Variants in MMEL1 observed in about 807,000 individuals in gnomAD.
The protein encoded by MMEL1 is membrane metalloendopeptidase like 1.
In MMEL1, 98 loss-of-function variants were observed where a neutral mutation model predicts 117.1. The observed-to-expected ratio is 0.84, with a 90% CI of 0.71 to 0.99. The LOEUF is 0.99. Among genes scored for constraint, MMEL1 ranks in the 50% least tolerant of loss-of-function variants. The pLI is 0.00. For missense variants in MMEL1, 1,014 were observed against 1,049.1 expected (o/e 0.97, Z 0.46); for synonymous variants, 390 against 415.1 (o/e 0.94, Z 0.74).
At position 2,629,540 on chromosome 1, in the gene MMEL1, G is replaced by GGA; in HGVS notation, c.-37-21_-37-20dup. 1 of 1,395,952 alleles carries GGA rather than the reference G, an allele frequency of 7.2e-7. No homozygotes were observed. The highest frequency in any genetic ancestry group is 9.3e-7 in the Non-Finnish European group (1 of 1,076,756). The allele number at this position is 1,395,952 out of a possible 1,614,324, so 86.5% of individuals were successfully genotyped here. A position where few individuals can be genotyped will look rare whatever the true frequency, so the allele number is the denominator to read the frequency against. On this transcript the variant is annotated intron_variant, in intron 1 of 23. Transcript: ENST00000378412. ...GAGGAACCTGCAGGCCCAGGGCAGG[G>GGA]GAGAGGGGAGAGGGGCGTGGAGCTC...
chr1:2,619,871 A>G (rs1169653264), intron 2 of MMEL1, among the ~76,000 whole-genome samples: 1 of 152,186 alleles, frequency 6.6e-6, no homozygotes, highest in Non-Finnish European at 1.5e-5. Context: ...ACTGACCCAG[A>G]ATGCAGGAGA....
intron 17 of MMEL1, 54 bp from the exon 18 acceptor site, chr1:2,594,497 G>A: frequency 6.5e-7 from 1 of 1,539,548 alleles, no homozygotes; most frequent in Non-Finnish European, 8.8e-7. Context: ...CCCTCCCTCT[G>A]GGCTCTCTCT....
Position 2,593,833 on chromosome 1 carries a change from C to T in MMEL1, c.1848G>A (p.Thr616=), listed in dbSNP as rs61729819. The T allele has an allele frequency of 1.0e-3, 1,639 of 1,609,792 alleles. 12 individuals are homozygous for T. The African/African-American group carries it at 0.019, about 19-fold the overall frequency. ...GIGMVIGHEI[T]HGFDDNGRNF... ...GCTCACCATTGTCGTCAAAGCCGTGCGTGATCTCGTGCCCGATCACCATCC... is the reference window on the plus strand; with the variant it reads ...GCTCACCATTGTCGTCAAAGCCGTGTGTGATCTCGTGCCCGATCACCATCC... The change falls in exon 19 of 24, where the codon ACG becomes ACA. Residue 616 remains threonine (T), a synonymous_variant. Transcript: ENST00000378412.
intron 19 of MMEL1, 116 bp from the exon 20 acceptor site, chr1:2,593,082 G>A (rs1454405429): frequency 5.2e-6 from 7 of 1,346,262 alleles, no homozygotes; most frequent in African/African-American, 1.4e-5. Context: ...CCAGTACGGA[G>A]AGCCCACAGT....
In MMEL1 at chr1:2,592,924, C is replaced by A. The variant is rs1324095493; in HGVS notation, c.1910G>T (p.Ser637Ile). The A allele has an allele frequency of 3.1e-6, 5 of 1,613,692 alleles. No homozygotes were observed. In the Admixed American group the frequency reaches 8.3e-5, roughly 27 times the overall value. The change falls in exon 20 of 24, where the codon AGT becomes ATT. Residue 637 changes from serine (S) to isoleucine (I), a missense_variant. Physicochemically the swap from Ser to Ile is moderately radical, Grantham distance 142. Coordinates refer to ENST00000378412, the MANE Select transcript of MMEL1 (RefSeq NM_033467.4). ...DKNGNMMDWW[S>I]NFSTQHFREQ... Reference sequence around the variant, plus strand: ...CCGGAAGTGCTGGGTGGAGAAGTTACTCCACCAATCCATCATGTTGCCATT... The same window carrying A: ...CCGGAAGTGCTGGGTGGAGAAGTTAATCCACCAATCCATCATGTTGCCATT...
In MMEL1 at chr1:2,612,192, G is replaced by C. The variant is rs1645141409; in HGVS notation, c.167C>G (p.Pro56Arg). ...GAAGCACAGCCGGCTAGCAAGGCGT[G>C]GCAGCTGCTTCCCTGGGGAGAAACA... ...LYADRRGKQLPRLASRLCFLQ... is the reference protein window; with the variant it reads ...LYADRRGKQLRRLASRLCFLQ... Residue 56 changes from proline (P) to arginine (R), a missense_variant, in exon 3 of 24, where the codon CCA becomes CGA. By Grantham distance (103) the Pro-to-Arg change is moderately radical (BLOSUM62 -2). Transcript: ENST00000378412. This position sits in a 1 kb window ranked among gnomAD's most constrained non-coding sequence, Gnocchi z 5.4. 1 of 1,572,516 alleles carries C rather than the reference G, an allele frequency of 6.4e-7. No homozygotes were observed.
intron 5 of MMEL1, 98 bp from the exon 6 acceptor site, chr1:2,609,517 C>G: frequency 1.3e-6 from 2 of 1,509,760 alleles, no homozygotes; most frequent in South Asian, 1.2e-5. Context: ...GAGAGGCGGC[C>G]CCCCAGCTGC....
chr1:2,606,931 C>G, intron 7 of MMEL1, 43 bp downstream of exon 7: 1 of 1,556,688 alleles, frequency 6.4e-7, no homozygotes, highest in Non-Finnish European at 8.8e-7. Flanking sequence ...GGTCCTGGTC[C>G]TCCTTTGTCT....
chr1:2,626,770 C>A (rs148411475), intron 2 of MMEL1, among the ~76,000 whole-genome samples: 1 of 151,662 alleles, frequency 6.6e-6, no homozygotes, highest in African/African-American at 2.4e-5. Flanking sequence ...AGATAACTGT[C>A]GAAAAGATAG....
chr1:2,605,428 G>T, intron 9 of MMEL1, 130 bp downstream of exon 9: 1 of 789,354 alleles, frequency 1.3e-6, no homozygotes, highest in Non-Finnish European at 2.2e-6. Flanking sequence ...TCAGTGCCGG[G>T]CTCAACCTCC....
At chr1:2,620,802 T>C (rs1198287437) in intron 2 of MMEL1, among the ~76,000 whole-genome samples, 1 of 148,442 alleles carries the variant, frequency 6.7e-6, no homozygotes, top group Admixed American at 6.7e-5. Flanking sequence ...ATGGGCCTTG[T>C]GGGAAGAAAG....
At chr1:2,607,151 C>T (rs1297752577) in intron 6 of MMEL1, 82 bp from the exon 7 acceptor site, 2 of 1,280,428 alleles carry the variant, frequency 1.6e-6, no homozygotes, top group South Asian at 1.2e-5. Flanking sequence ...GCGCCGTTGG[C>T]CGGCGTCACA....
intron 11 of MMEL1, among the ~76,000 whole-genome samples, chr1:2,602,605 C>T (rs1275942266): frequency 6.6e-6 from 1 of 152,202 alleles, no homozygotes; most frequent in African/African-American, 2.4e-5. Flanking sequence ...CCTTCACTCA[C>T]TCTTACTTGT....
intron 20 of MMEL1, 54 bp downstream of exon 20, chr1:2,592,779 C>A: frequency 3.1e-6 from 5 of 1,611,168 alleles, no homozygotes; most frequent in Non-Finnish European, 4.2e-6. Context: ...TCCCTCAGGG[C>A]CAGGGCTGGG....
chr1:2,596,534 C>A, intron 14 of MMEL1, 27 bp downstream of exon 14: 2 of 1,602,390 alleles, frequency 1.2e-6, no homozygotes, highest in Non-Finnish European at 1.7e-6. Context: ...GCTGGCCCCG[C>A]GTGGGCCATG....
chr1:2,629,423 C>A lies in MMEL1; in HGVS notation c.62G>T (p.Arg21Leu). The A allele has an allele frequency of 6.5e-7, 1 of 1,545,558 alleles. No homozygotes were observed. The change falls in exon 2 of 24, where the codon CGC becomes CTC. Residue 21 changes from arginine (R) to leucine (L), a missense_variant. Transcript: ENST00000378412. Reference sequence around the variant, plus strand: ...CAGCCCCCCCTCCAGGAACCCCGGGCGCTTCTGCCCTGCACGGCCGGCGCT... The same window carrying A: ...CAGCCCCCCCTCCAGGAACCCCGGGAGCTTCTGCCCTGCACGGCCGGCGCT... ...VESAGRAGQKRPGFLEGGLLL... is the reference protein window; with the variant it reads ...VESAGRAGQKLPGFLEGGLLL...
intron 2 of MMEL1, among the ~76,000 whole-genome samples, chr1:2,617,760 A>G (rs1645227329): frequency 6.6e-6 from 1 of 152,196 alleles, no homozygotes; most frequent in Non-Finnish European, 1.5e-5. Context: ...TCTAAGAGAA[A>G]AAGCAAAAAC....
At chr1:2,608,001 C>G (rs1645057187) in intron 6 of MMEL1, among the ~76,000 whole-genome samples, 1 of 152,128 alleles carries the variant, frequency 6.6e-6, no homozygotes, top group Admixed American at 6.5e-5. Context: ...TTCCAGTTTT[C>G]CACATGGTCT....
Position 2,609,361 on chromosome 1 carries a change from C to T in MMEL1, c.513G>A (p.Leu171=). 6.2e-7 allele frequency: 1 copy of T among 1,611,954 alleles called. No homozygotes were observed. The part of the protein sequence containing the change: ...DRPAVEKART[L]YRSCMNQSVI... ...CACTCTGGTTCATGCAGGAGCGGTA[C>T]AGCGTCCTGGCCTTCTCCACAGCCG... The change falls in exon 6 of 24, where the codon CTG becomes CTA. Residue 171 remains leucine, a synonymous_variant. Transcript: ENST00000378412.
Sources: allele counts gnomAD v4.1 joint callset (sites outside exome capture counted in the v4.1 genomes callset), GRCh38; gene constraint gnomAD v4.1.1; non-coding constraint Gnocchi (gnomAD v3.1); transcripts MANE v1.5; gene names NCBI Gene and HGNC (gene_info 2026-07-23, HGNC 2026-07-21).